Variants in MANEA observed in about 807,000 individuals in gnomAD.
MANEA encodes mannosidase endo-alpha.
In MANEA, 25 loss-of-function variants were observed where a neutral mutation model predicts 36.8. The ratio of observed to expected loss-of-function variants is 0.68; its 90% CI spans 0.50 to 0.95. MANEA has a LOEUF of 0.95. Ranked by LOEUF, MANEA falls within the 40% of genes least tolerant of loss-of-function variation. The probability of loss-of-function intolerance (pLI) is 0.00; values close to 1 mark genes in which losing one functional copy is unlikely to be tolerated. For missense variants in MANEA, 565 were observed against 558.8 expected, an observed-to-expected ratio of 1.01 and a Z score of -0.11; for synonymous variants, 198 against 188.5, an observed-to-expected ratio of 1.05 and a Z score of -0.41.
chr6:95,606,454 AT>A lies in MANEA; in HGVS notation c.*50del, dbSNP rs763705331. 1 of 1,405,592 alleles carries A rather than the reference AT, an allele frequency of 7.1e-7. No homozygotes were observed. The highest frequency in any genetic ancestry group is 9.5e-7 in the Non-Finnish European group (1 of 1,047,748). The allele number at this position is 1,405,592 out of a possible 1,614,324, so 87.1% of individuals were successfully genotyped here. On this transcript the variant is annotated 3_prime_UTR_variant, in exon 5 of 5. Coordinates refer to ENST00000358812, the MANE Select transcript of MANEA (RefSeq NM_024641.4). ...TATCAAAATCACCTAATTTTTAAAA[AT>A]AGCTTTCGTTTTGAGTTCTGGAAAG...
rs752854548 is a variant in MANEA at position 95,605,931 on chromosome 6, A to G, written c.915A>G (p.Glu305=). The G allele has an allele frequency of 1.9e-6, 3 of 1,614,072 alleles. No homozygotes were observed. Among genetic ancestry groups the G allele is most frequent in the Admixed American group, 3.3e-5 (2 of 60,000 alleles). The part of the protein sequence containing the change: ...YDGLFIALLV[E]EKHKYDILQS... ...GACTGTTTATTGCCCTTCTGGTAGAAGAAAAACATAAGTATGATATTCTTC... is the reference window on the plus strand; with the variant it reads ...GACTGTTTATTGCCCTTCTGGTAGAGGAAAAACATAAGTATGATATTCTTC... The change falls in exon 5 of 5, where the codon GAA becomes GAG. Residue 305 remains glutamate, a synonymous_variant. Coordinates refer to ENST00000358812, the MANE Select transcript of MANEA (RefSeq NM_024641.4).
rs1015018875 is a variant in MANEA, at chr6:95,607,880, C to A, written c.*1475C>A. On this transcript the variant is annotated 3_prime_UTR_variant, in exon 5 of 5. Coordinates refer to ENST00000358812, the MANE Select transcript of MANEA (RefSeq NM_024641.4). ...ATAAATCTTCAGAGTATAAAGACAT[C>A]CATTCAGAAACAAAAATTAGCACTA... 1 of 151,514 alleles carries A rather than the reference C, an allele frequency of 6.6e-6. No homozygotes were observed. The highest frequency in any genetic ancestry group is 2.1e-4 in the South Asian group (1 of 4,780). 9.4% of individuals were successfully genotyped at this position (151,514 alleles called of 1,614,324 possible). A position where few individuals can be genotyped will look rare whatever the true frequency, so the allele number is the denominator to read the frequency against.
intron 1 of MANEA, among the ~76,000 whole-genome samples, chr6:95,585,348 C>T (rs965001394): frequency 7.9e-5 from 12 of 152,226 alleles, no homozygotes; most frequent in Non-Finnish European, 1.3e-4. Context: ...CTTGCACTGT[C>T]ACCCAGGCTG....
chr6:95,584,383 G>A (rs1197991088), intron 1 of MANEA, among the ~76,000 whole-genome samples: 1 of 152,096 alleles, frequency 6.6e-6, no homozygotes, highest in Admixed American at 6.5e-5. Context: ...GAAAAGAATT[G>A]CATTCCTCGG....
chr6:95,594,570 A>G (rs1315986848), intron 2 of MANEA, among the ~76,000 whole-genome samples: 6 of 152,228 alleles, frequency 3.9e-5, no homozygotes, highest in East Asian at 3.9e-4. Context: ...GTTTCTGCCA[A>G]TTCTTGTGCA....
rs756272049 is a variant in MANEA, at chr6:95,586,590, C to T, written c.151C>T (p.Arg51Ter). The T allele has an allele frequency of 6.8e-5, 110 of 1,613,868 alleles. 1 individual carries two copies. Among genetic ancestry groups the T allele is most frequent in the South Asian group, 1.3e-4 (12 of 91,082 alleles). The change falls in exon 2 of 5, where the codon CGA becomes TGA. Residue 51 changes from arginine (R) to a stop codon, truncating the protein, a stop_gained. Coordinates refer to ENST00000358812, the MANE Select transcript of MANEA (RefSeq NM_024641.4). LOFTEE classifies it high-confidence loss of function. ...GLDLLPELHQ[R>*]TIHLGKNFDF... is the part of the protein sequence containing the mutation. ...TGACCTTCTTCCAGAACTTCATCAA[C>T]GAACTATTCATTTGGGGAAAAATTT... is the stretch of plus-strand genomic sequence containing the variant.
intron 3 of MANEA, among the ~76,000 whole-genome samples, chr6:95,604,064 GTGT>G: frequency 6.8e-6 from 1 of 147,876 alleles, no homozygotes; most frequent in South Asian, 2.2e-4. Context: ...GTATGTAGGT[GTGT>G]GTGTGTGTGT....
chr6:95,604,773 T>G, intron 3 of MANEA, 54 bp from the exon 4 acceptor site: 1 of 710,806 alleles, frequency 1.4e-6, no homozygotes, highest in Non-Finnish European at 2.3e-6. Context: ...AGTATACTTC[T>G]AATTTTACAT....
In MANEA at chr6:95,606,741, T is replaced by C. The variant is rs1458325119; in HGVS notation, c.*336T>C. ...CTAAAGCACTTAGCACACAGTTAAA[T>C]TATATTTACATCCTAGACCCAAATA... is the stretch of plus-strand genomic sequence containing the variant. On this transcript the variant is annotated 3_prime_UTR_variant, in exon 5 of 5. Transcript: ENST00000358812. The C allele has an allele frequency of 6.4e-6, 1 of 157,076 alleles. No homozygotes were observed. The highest frequency in any genetic ancestry group is 1.4e-5 in the Non-Finnish European group (1 of 71,522). 9.7% of individuals were successfully genotyped at this position (157,076 alleles called of 1,614,324 possible).
In MANEA at chr6:95,596,803, T is replaced by C. The variant is rs780616077; in HGVS notation, c.611T>C (p.Leu204Ser). The C allele has an allele frequency of 6.2e-7, 1 of 1,606,406 alleles. No homozygotes were observed. The highest frequency in any genetic ancestry group is 2.2e-5 in the East Asian group (1 of 44,714). The change falls in exon 3 of 5, where the codon TTG (leucine) becomes TCG (serine). Residue 204 changes from leucine to serine, a missense_variant. Leu to Ser is a moderately radical substitution (Grantham distance 145). Coordinates refer to ENST00000358812, the MANE Select transcript of MANEA (RefSeq NM_024641.4). ...NDENGEPTDN[L>S]VPTILDKAHK... Reference sequence around the variant, plus strand: ...GAAAATGGAGAACCTACTGATAACTTGGTACCCACTATTTTGGATAAAGCT... The same window carrying C: ...GAAAATGGAGAACCTACTGATAACTCGGTACCCACTATTTTGGATAAAGCT...
chr6:95,596,741 A>C lies in MANEA; in HGVS notation c.549A>C (p.Val183=). Residue 183 remains valine, a synonymous_variant, in exon 3 of 5, where the codon GTA becomes GTC. Transcript: ENST00000358812. ...MRQMRSASIG[V]LALSWYPPDV... ...CTTTTTGGTCTTTTCTATTAGGTGTACTAGCCCTCTCTTGGTACCCACCTG... is the reference window on the plus strand; with the variant it reads ...CTTTTTGGTCTTTTCTATTAGGTGTCCTAGCCCTCTCTTGGTACCCACCTG... 6.4e-7 allele frequency: 1 copy of C among 1,559,462 alleles called. No individual in the cohort carries two copies. The highest frequency in any genetic ancestry group is 8.8e-7 in the Non-Finnish European group (1 of 1,130,842).
chr6:95,604,717 A>G, intron 3 of MANEA, 110 bp from the exon 4 acceptor site: 1 of 480,180 alleles, frequency 2.1e-6, no homozygotes, highest in Non-Finnish European at 3.7e-6. Flanking sequence ...ATAAATATTC[A>G]TCTTTAATTA....
chr6:95,604,442 G>A (rs1285860458), intron 3 of MANEA, among the ~76,000 whole-genome samples: 1 of 151,802 alleles, frequency 6.6e-6, no homozygotes, highest in African/African-American at 2.4e-5. Context: ...TTTATAAGGA[G>A]TAAACATAAA....
chr6:95,585,375 T>G (rs545341027), intron 1 of MANEA, among the ~76,000 whole-genome samples: 33 of 152,112 alleles, frequency 2.2e-4, no homozygotes, highest in Non-Finnish European at 3.8e-4. Context: ...AGTGGCACAA[T>G]CATGGCTCAC....
intron 2 of MANEA, 22 bp downstream of exon 2, chr6:95,587,005 A>ATATGTGTG (rs148967607): frequency 1.3e-5 from 18 of 1,337,164 alleles, no homozygotes; most frequent in Non-Finnish European, 1.9e-5. Context: ...ATATATATAT[A>ATATGTGTG]TGTGTGTTTG....
At chr6:95,598,422 C>T (rs917884257) in intron 3 of MANEA, among the ~76,000 whole-genome samples, 34 of 152,124 alleles carry the variant, frequency 2.2e-4, no homozygotes, top group African/African-American at 8.0e-4. Flanking sequence ...AACAGACTTT[C>T]TCATGTGGTG....
chr6:95,602,106 A>G (rs1215749688), intron 3 of MANEA, among the ~76,000 whole-genome samples: 1 of 152,164 alleles, frequency 6.6e-6, no homozygotes, highest in Non-Finnish European at 1.5e-5. Flanking sequence ...TGGGAATCTT[A>G]CCTAAATCCA....
chr6:95,588,594 G>GT (rs1420358859), intron 2 of MANEA, among the ~76,000 whole-genome samples: 1 of 151,542 alleles, frequency 6.6e-6, no homozygotes, highest in Non-Finnish European at 1.5e-5. Context: ...TTTTTCTATT[G>GT]TTTACAAAAA....
At chr6:95,602,005 C>A (rs1769602824) in intron 3 of MANEA, among the ~76,000 whole-genome samples, 1 of 151,938 alleles carries the variant, frequency 6.6e-6, no homozygotes, top group Non-Finnish European at 1.5e-5. Flanking sequence ...AAATGATTTT[C>A]ACCTACATTT....
Sources: allele counts gnomAD v4.1 joint callset (sites outside exome capture counted in the v4.1 genomes callset), GRCh38; gene constraint gnomAD v4.1.1; transcripts MANE v1.5; gene names NCBI Gene and HGNC (gene_info 2026-07-23, HGNC 2026-07-21).